The following CNTNAP5 variants were observed in gnomAD, a reference collection of about 807,000 sequenced individuals.
The protein encoded by CNTNAP5 is contactin associated protein family member 5, also known as contactin-associated protein-like 5.
CNTNAP5 carries 72 observed loss-of-function variants against 150.2 expected under a neutral mutation model. The observed-to-expected ratio is 0.48, with a 90% CI of 0.40 to 0.58. The LOEUF (loss-of-function observed/expected upper bound fraction) is 0.58, where lower values mean the gene tolerates loss of function less well. CNTNAP5 is among the 20% of genes least tolerant of loss of function. The pLI is 0.00. For missense variants in CNTNAP5, 1,636 were observed against 1,626.2 expected (o/e 1.01, Z -0.10); for synonymous variants, 672 against 619.8 (o/e 1.08, Z -1.25).
chr2:124,174,519 T>C (rs931857064), intron 1 of CNTNAP5, among the ~76,000 whole-genome samples: 17 of 152,144 alleles, frequency 1.1e-4, no homozygotes, highest in Admixed American at 9.8e-4. Context: ...TAACTATAGA[T>C]GTGGTGGAAA....
chr2:124,137,164 G>A (rs1238830933), intron 1 of CNTNAP5, among the ~76,000 whole-genome samples: 2 of 152,082 alleles, frequency 1.3e-5, no homozygotes, highest in African/African-American at 2.4e-5. Flanking sequence ...CTAGAACATG[G>A]TCTGACTGGC....
At chr2:124,516,593 G>C (rs991753967) in intron 8 of CNTNAP5, among the ~76,000 whole-genome samples, 1 of 152,200 alleles carries the variant, frequency 6.6e-6, no homozygotes, top group Non-Finnish European at 1.5e-5. Flanking sequence ...GTTATCTCCA[G>C]GGTTGGAAAC....
chr2:124,545,064 T>C (rs1158236638), intron 10 of CNTNAP5, among the ~76,000 whole-genome samples: 11 of 152,210 alleles, frequency 7.2e-5, no homozygotes, highest in South Asian at 2.1e-4. Context: ...CTATATCAAG[T>C]GTTCTTTTGC....
chr2:124,362,889 C>T (rs1410099090), intron 3 of CNTNAP5, among the ~76,000 whole-genome samples: 1 of 152,142 alleles, frequency 6.6e-6, no homozygotes, highest in Non-Finnish European at 1.5e-5. Context: ...TATCACTGCT[C>T]AATAAATATT....
chr2:124,626,964 A>T (rs561761928), intron 12 of CNTNAP5, among the ~76,000 whole-genome samples: 24 of 152,324 alleles, frequency 1.6e-4, no homozygotes, highest in African/African-American at 5.8e-4. Context: ...ACCACAGTGC[A>T]GCAAAGGAGC....
At chr2:124,787,858 A>G (rs748336384) in intron 17 of CNTNAP5, among the ~76,000 whole-genome samples, 4 of 152,326 alleles carry the variant, frequency 2.6e-5, no homozygotes, top group African/African-American at 7.2e-5. Flanking sequence ...ATAAGGACAC[A>G]TTTGTATCTG....
intron 13 of CNTNAP5, among the ~76,000 whole-genome samples, chr2:124,664,199 T>A (rs1678649625): frequency 1.3e-5 from 2 of 151,840 alleles, no homozygotes; most frequent in Non-Finnish European, 2.9e-5. Context: ...GGCTCACACA[T>A]TTAATCCCAG....
chr2:124,041,580 A>G (rs1019762343), intron 1 of CNTNAP5, among the ~76,000 whole-genome samples: 1 of 152,176 alleles, frequency 6.6e-6, no homozygotes, highest in Non-Finnish European at 1.5e-5. Context: ...ACGTGGAGTC[A>G]GATTAGTGGT....
At chr2:124,043,430 C>T (rs1020305668) in intron 1 of CNTNAP5, among the ~76,000 whole-genome samples, 3 of 152,138 alleles carry the variant, frequency 2.0e-5, no homozygotes, top group African/African-American at 7.2e-5. Flanking sequence ...TCAAACCAAG[C>T]CTTCTTTGTC....
intron 13 of CNTNAP5, among the ~76,000 whole-genome samples, chr2:124,737,290 CA>C (rs35374514): frequency 0.03 from 3,764 of 126,504 alleles, 104 homozygotes; most frequent in African/African-American, 0.084. Flanking sequence ...GACTCCATCT[CA>C]AAAAAAAAAA....
At chr2:124,683,845 C>T (rs181828872) in intron 13 of CNTNAP5, among the ~76,000 whole-genome samples, 101 of 152,208 alleles carry the variant, frequency 6.6e-4, no homozygotes, top group Non-Finnish European at 1.1e-3. Context: ...AGGCAACTAA[C>T]GTTTATTGCC....
intron 3 of CNTNAP5, among the ~76,000 whole-genome samples, chr2:124,381,508 A>G (rs1186227378): frequency 6.6e-6 from 1 of 152,108 alleles, no homozygotes; most frequent in East Asian, 1.9e-4. Flanking sequence ...TTTCTGAGGC[A>G]TTAGGGGAAA....
intron 22 of CNTNAP5, among the ~76,000 whole-genome samples, chr2:124,907,637 C>G (rs1678565720): frequency 6.7e-6 from 1 of 149,792 alleles, no homozygotes; most frequent in Non-Finnish European, 1.5e-5. Flanking sequence ...TAGATAGATA[C>G]ATTTAAGCTG....
intron 3 of CNTNAP5, among the ~76,000 whole-genome samples, chr2:124,377,013 A>T (rs2104733255): frequency 6.6e-6 from 1 of 152,220 alleles, no homozygotes; most frequent in East Asian, 1.9e-4. Flanking sequence ...AATCAAAGTA[A>T]GATTTAGATT....
intron 3 of CNTNAP5, among the ~76,000 whole-genome samples, chr2:124,361,670 A>G (rs1690202620): frequency 6.9e-6 from 1 of 144,890 alleles, no homozygotes; most frequent in Non-Finnish European, 1.5e-5. Flanking sequence ...GCCGGTTCTC[A>G]GATCTCCAGC....
At chr2:124,126,455 G>A (rs967052784) in intron 1 of CNTNAP5, among the ~76,000 whole-genome samples, 1 of 151,962 alleles carries the variant, frequency 6.6e-6, no homozygotes, top group African/African-American at 2.4e-5. Context: ...ACCTGATGGA[G>A]TCACAGCCAA....
intron 1 of CNTNAP5, among the ~76,000 whole-genome samples, chr2:124,127,889 C>T (rs958156854): frequency 6.6e-6 from 1 of 152,172 alleles, no homozygotes; most frequent in Non-Finnish European, 1.5e-5. Flanking sequence ...CCCTTCCTTA[C>T]ACCTTATACA....
chr2:124,258,170 T>C (rs978635391), intron 3 of CNTNAP5, among the ~76,000 whole-genome samples: 1 of 152,034 alleles, frequency 6.6e-6, no homozygotes, highest in Admixed American at 6.6e-5. Flanking sequence ...AGTTCTGGGG[T>C]ATGGGCGATG....
chr2:124,883,877 T>C (rs560573265), intron 21 of CNTNAP5, among the ~76,000 whole-genome samples: 1 of 152,160 alleles, frequency 6.6e-6, no homozygotes, highest in Non-Finnish European at 1.5e-5. Flanking sequence ...GTTGTGTATA[T>C]ACATATGTCT....
Sources: allele counts gnomAD v4.1 joint callset (sites outside exome capture counted in the v4.1 genomes callset), GRCh38; gene constraint gnomAD v4.1.1; transcripts MANE v1.5; gene names NCBI Gene and HGNC (gene_info 2026-07-23, HGNC 2026-07-21).